The following TTC6 variants were observed in gnomAD, a reference collection of about 807,000 sequenced individuals.
TTC6 encodes the protein tetratricopeptide repeat protein 6.
A neutral mutation model predicts 210.4 loss-of-function variants in TTC6; 172 were observed. That is an observed-to-expected ratio of 0.82 (90% confidence interval 0.72 to 0.93). The LOEUF (loss-of-function observed/expected upper bound fraction) is 0.93. Ranked by LOEUF, TTC6 falls within the 40% of genes least tolerant of loss-of-function variation. TTC6 has a pLI of 0.00. For synonymous variants in TTC6, 804 were observed against 819.6 expected (o/e 0.98, Z 0.32); for missense variants, 2,414 against 2,318.1 (o/e 1.04, Z -0.85).
intron 14 of TTC6, among the ~76,000 whole-genome samples, chr14:37,783,113 G>C (rs1412220337): frequency 6.6e-6 from 1 of 152,150 alleles, no homozygotes; most frequent in Non-Finnish European, 1.5e-5. Context: ...GTCTCTGCCA[G>C]GCTTTGGTAT....
chr14:37,812,010 A>T (rs1951645), intron 24 of TTC6, among the ~76,000 whole-genome samples: 3 of 151,972 alleles, frequency 2.0e-5, no homozygotes, highest in Non-Finnish European at 2.9e-5. Flanking sequence ...ACTACCCAGT[A>T]GAGGCAGAAT....
rs1566897823 is a variant in TTC6, at chr14:37,701,513, GAACA to G, written c.1563_1566del (p.Thr522IlefsTer75). 1 of 1,472,550 alleles carries G rather than the reference GAACA, an allele frequency of 6.8e-7. No homozygotes were observed. The highest frequency in any genetic ancestry group is 1.4e-5 in the African/African-American group (1 of 70,308). The allele number at this position is 1,472,550 out of a possible 1,614,324, so 91.2% of individuals were successfully genotyped here. A position where few individuals can be genotyped will look rare whatever the true frequency, so the allele number is the denominator to read the frequency against. On this transcript the variant is annotated frameshift_variant, in exon 5 of 31. Transcript: ENST00000553443. LOFTEE classifies it high-confidence loss of function. ...CTTAGATGATCGCTTTACAGATGAA[GAACA>G]AACAGATAGGTAAGAGTTCCACTGG...
At chr14:37,614,009 C>A (rs1231143910) in intron 2 of TTC6, among the ~76,000 whole-genome samples, 1 of 151,686 alleles carries the variant, frequency 6.6e-6, no homozygotes, top group African/African-American at 2.4e-5. Context: ...ATGCATTATT[C>A]TTCTTTTCCT....
At chr14:37,650,502 T>A (rs940301761) in intron 1 of TTC6, among the ~76,000 whole-genome samples, 43 of 152,306 alleles carry the variant, frequency 2.8e-4, no homozygotes, top group African/African-American at 9.6e-4. Flanking sequence ...GGCTACATTG[T>A]TTGTAAAGTG....
chr14:37,828,795 A>G (rs977498174), intron 29 of TTC6, among the ~76,000 whole-genome samples: 1 of 151,958 alleles, frequency 6.6e-6, no homozygotes, highest in Non-Finnish European at 1.5e-5. Context: ...GTCTACATTT[A>G]GGAAGTCTAT....
intron 5 of TTC6, among the ~76,000 whole-genome samples, chr14:37,710,826 A>G (rs1387531816): frequency 6.6e-6 from 1 of 152,158 alleles, no homozygotes; most frequent in Non-Finnish European, 1.5e-5. Flanking sequence ...CCCAGGATCT[A>G]TCGCAAACCT....
intron 14 of TTC6, among the ~76,000 whole-genome samples, chr14:37,783,745 C>T (rs2096061035): frequency 1.3e-5 from 2 of 148,860 alleles, no homozygotes; most frequent in Admixed American, 6.7e-5. Flanking sequence ...TTAGATCTTT[C>T]CTGCTTTCTC....
chr14:37,680,258 A>C (rs2095780274), exon 2 of TTC6: 14 of 1,514,988 alleles, frequency 9.2e-6, no homozygotes, highest in Non-Finnish European at 1.2e-5. Flanking sequence ...AGGAATCGCA[A>C]ATGGTAAAGT....
chr14:37,831,079 G>A (rs996826314), intron 29 of TTC6, among the ~76,000 whole-genome samples: 7 of 151,020 alleles, frequency 4.6e-5, no homozygotes, highest in African/African-American at 1.5e-4. Context: ...TCATCCCCTC[G>A]CCCACCCCTC....
intron 13 of TTC6, 87 bp from the exon 16 acceptor site, chr14:37,753,012 A>G: frequency 4.7e-6 from 5 of 1,071,526 alleles, no homozygotes; most frequent in Non-Finnish European, 6.1e-6. Flanking sequence ...CCCGAAGTTA[A>G]AAACATAGTT....
intron 2 of TTC6, among the ~76,000 whole-genome samples, chr14:37,608,775 T>G (rs1009273381): frequency 3.9e-5 from 6 of 152,106 alleles, no homozygotes; most frequent in Non-Finnish European, 8.8e-5. Context: ...TGTTCGGACT[T>G]TGTTCTGTGG....
chr14:37,706,086 G>T (rs1380474096), intron 5 of TTC6, among the ~76,000 whole-genome samples: 1 of 152,128 alleles, frequency 6.6e-6, no homozygotes, highest in East Asian at 1.9e-4. Flanking sequence ...TAGAGCTGAG[G>T]CAGGATTTTA....
At chr14:37,659,485 G>A (rs1417365139) in intron 1 of TTC6, among the ~76,000 whole-genome samples, 1 of 151,542 alleles carries the variant, frequency 6.6e-6, no homozygotes, top group Non-Finnish European at 1.5e-5. Context: ...CATTCTGACT[G>A]ATATGAGATG....
intron 1 of TTC6, among the ~76,000 whole-genome samples, chr14:37,674,221 A>G (rs898657565): frequency 6.6e-6 from 1 of 151,684 alleles, no homozygotes; most frequent in African/African-American, 2.4e-5. Context: ...CATTTTCTAA[A>G]TTTCTGAATT....
In TTC6 at chr14:37,827,076, C is replaced by T. The variant is rs74763205; in HGVS notation, c.5128-120C>T. 9.3e-4 allele frequency: 709 copies of T among 765,632 alleles called. 8 individuals carry two copies. The African/African-American group carries it at 0.012, about 13-fold the overall frequency. 47.4% of individuals were successfully genotyped at this position (765,632 alleles called of 1,614,324 possible). The stretch of plus-strand genomic sequence containing the variant: ...AAATATTTGTTCTACTGGAGTTTTA[C>T]ATGCACTATAAAATTACTCATTTCC... On this transcript the variant is annotated intron_variant, in intron 28 of 30. Coordinates refer to ENST00000553443, the Ensembl canonical transcript of TTC6.
At chr14:37,813,034 G>T (rs1418201396) in intron 25 of TTC6, among the ~76,000 whole-genome samples, 1 of 151,910 alleles carries the variant, frequency 6.6e-6, no homozygotes. Context: ...GTAACTCTTG[G>T]ATTAAGAAAC....
chr14:37,831,924 C>G (rs941984784), intron 29 of TTC6, among the ~76,000 whole-genome samples: 7 of 152,196 alleles, frequency 4.6e-5, no homozygotes, highest in Admixed American at 4.6e-4. Flanking sequence ...TATGCAGAAG[C>G]TTTTTCAGCT....
At chr14:37,622,868 G>T in exon 1 of TTC6, 2 of 1,534,846 alleles carry the variant, frequency 1.3e-6, no homozygotes, top group South Asian at 2.4e-5. Context: ...AGGCGCTGCT[G>T]CCCTCCCGCG....
chr14:37,702,093 A>C (rs896624586), intron 5 of TTC6, among the ~76,000 whole-genome samples: 3 of 152,212 alleles, frequency 2.0e-5, no homozygotes, highest in African/African-American at 7.2e-5. Context: ...CCTAATGTTT[A>C]TGCAGCAGTA....
Sources: gnomAD v4.1 joint callset for allele counts (sites outside exome capture counted in the v4.1 genomes callset) on GRCh38, gnomAD v4.1.1 for gene constraint, MANE v1.5 for transcripts, NCBI Gene and HGNC (gene_info 2026-07-23, HGNC 2026-07-21) for gene names.